PDE8A: variants seen among roughly 807,000 people sequenced by gnomAD.
PDE8A encodes the protein phosphodiesterase 8A.
PDE8A carries 59 observed loss-of-function variants against 105.0 expected under a neutral mutation model. The observed-to-expected ratio is 0.56, with a 90% CI of 0.46 to 0.70. The LOEUF (loss-of-function observed/expected upper bound fraction) is 0.70, where lower values mean the gene tolerates loss of function less well. PDE8A is among the 30% of genes least tolerant of loss of function. The probability of loss-of-function intolerance (pLI) is 0.00; values close to 1 mark genes in which losing one functional copy is unlikely to be tolerated. For synonymous variants in PDE8A, 355 were observed against 371.9 expected (o/e 0.95, Z 0.52); for missense variants, 1,014 against 1,045.9 (o/e 0.97, Z 0.42).
At chr15:85,032,326 G>T (rs1338490012) in intron 1 of PDE8A, among the ~76,000 whole-genome samples, 1 of 152,130 alleles carries the variant, frequency 6.6e-6, no homozygotes. Context: ...GTCCATCCAT[G>T]GTATAAGAGT....
chr15:85,022,294 T>C (rs1239610043), intron 1 of PDE8A, among the ~76,000 whole-genome samples: 1 of 152,196 alleles, frequency 6.6e-6, no homozygotes, highest in African/African-American at 2.4e-5. Context: ...CATTTTGTTA[T>C]ATCTGTTTGG....
chr15:85,064,866 G>A (rs958145018), intron 2 of PDE8A, among the ~76,000 whole-genome samples: 3 of 152,064 alleles, frequency 2.0e-5, no homozygotes, highest in African/African-American at 4.8e-5. Context: ...CAGCTACTTG[G>A]AAGGCTGAGA....
chr15:85,108,901 T>C, intron 11 of PDE8A, 152 bp from the exon 12 acceptor site: 1 of 502,530 alleles, frequency 2.0e-6, no homozygotes, highest in Non-Finnish European at 3.6e-6. Flanking sequence ...ATAAAACTGG[T>C]TTCTCATAGT....
intron 6 of PDE8A, among the ~76,000 whole-genome samples, chr15:85,083,901 G>A (rs1354904838): frequency 6.6e-6 from 1 of 152,092 alleles, no homozygotes; most frequent in Non-Finnish European, 1.5e-5. Flanking sequence ...AATACAAACT[G>A]CATATGCTGG....
chr15:85,121,034 A>T lies in PDE8A; in HGVS notation c.1952+20A>T. ...GGAGAGGTAAGAACAATGATTGGGA[A>T]GTGTGTTGATCCCTCTCTTTCTTTT... is the stretch of plus-strand genomic sequence containing the variant. On this transcript the variant is annotated intron_variant, in intron 18 of 21. Transcript: ENST00000394553. 6.9e-7 allele frequency: 1 copy of T among 1,458,216 alleles called. No individual in the cohort carries two copies. Among genetic ancestry groups the T allele is most frequent in the Non-Finnish European group, 9.6e-7 (1 of 1,046,804 alleles). The allele number at this position is 1,458,216 out of a possible 1,614,324, so 90.3% of individuals were successfully genotyped here. A position where few individuals can be genotyped will look rare whatever the true frequency, so the allele number is the denominator to read the frequency against.
chr15:85,103,835 C>T (rs1023981041), intron 11 of PDE8A, among the ~76,000 whole-genome samples: 2 of 152,128 alleles, frequency 1.3e-5, no homozygotes, highest in Admixed American at 1.3e-4. Flanking sequence ...CTTCTTCACA[C>T]CTCGCTTCCT....
intron 11 of PDE8A, among the ~76,000 whole-genome samples, chr15:85,103,981 C>T (rs1030340993): frequency 2.0e-5 from 3 of 152,180 alleles, no homozygotes; most frequent in African/African-American, 7.2e-5. Context: ...ACTTAGTACT[C>T]CCAGACATGG....
intron 1 of PDE8A, among the ~76,000 whole-genome samples, chr15:85,041,932 G>A (rs1373149689): frequency 2.0e-5 from 3 of 152,108 alleles, no homozygotes; most frequent in Non-Finnish European, 4.4e-5. Flanking sequence ...TCTCGTTCCA[G>A]TAGTTTCTCC....
rs1479088837 is a variant in PDE8A, at chr15:85,120,732, C to CTA, written c.1735-62_1735-61dup. On this transcript the variant is annotated intron_variant, in intron 17 of 21. Transcript: ENST00000394553. ...TGAAAGTAATAGGGGAGAAAGAAAACTATACAGAAGGCTTCCTTGCCTTCA... is the reference window on the plus strand; with the variant it reads ...TGAAAGTAATAGGGGAGAAAGAAAACTATATACAGAAGGCTTCCTTGCCTTCA... The CTA allele has an allele frequency of 2.1e-5, 20 of 972,474 alleles. No individual in the cohort carries two copies. In the East Asian group the frequency reaches 2.5e-4, roughly 12 times the overall value. The allele number at this position is 972,474 out of a possible 1,614,324, so 60.2% of individuals were successfully genotyped here.
chr15:85,084,334 C>T (rs1178141732), intron 6 of PDE8A, among the ~76,000 whole-genome samples: 3 of 152,020 alleles, frequency 2.0e-5, no homozygotes, highest in South Asian at 2.1e-4. Flanking sequence ...CAGGGTTCCA[C>T]GTGTAGGGAA....
intron 12 of PDE8A, among the ~76,000 whole-genome samples, chr15:85,111,269 T>C (rs2141595098): frequency 6.6e-6 from 1 of 152,376 alleles, no homozygotes; most frequent in South Asian, 2.1e-4. Flanking sequence ...GCGCTTTTTA[T>C]GTCCTATTTA....
At chr15:85,012,379 T>G (rs1442762936) in intron 1 of PDE8A, among the ~76,000 whole-genome samples, 2 of 152,166 alleles carry the variant, frequency 1.3e-5, no homozygotes, top group East Asian at 3.8e-4. Flanking sequence ...TAAAAAATGA[T>G]GAGTTCATGT....
chr15:85,007,804 G>T (rs548101642), intron 1 of PDE8A, among the ~76,000 whole-genome samples: 2 of 152,212 alleles, frequency 1.3e-5, no homozygotes, highest in African/African-American at 4.8e-5. Context: ...TTATAAATGC[G>T]AATATGTATG....
chr15:85,065,233 ATT>A (rs1372413312), intron 2 of PDE8A, among the ~76,000 whole-genome samples: 1 of 151,098 alleles, frequency 6.6e-6, no homozygotes, highest in Non-Finnish European at 1.5e-5. Context: ...GATATCTGTA[ATT>A]TATCTAATTC....
At chr15:85,076,904 G>A (rs1033755303) in intron 5 of PDE8A, 117 bp downstream of exon 5, 2 of 711,474 alleles carry the variant, frequency 2.8e-6, no homozygotes, top group Admixed American at 1.9e-5. Context: ...TGTCTGGCCA[G>A]GCGTGGTGGC....
At chr15:84,993,757 G>A (rs1169211811) in intron 1 of PDE8A, among the ~76,000 whole-genome samples, 1 of 151,988 alleles carries the variant, frequency 6.6e-6, no homozygotes, top group Non-Finnish European at 1.5e-5. Context: ...TGGGCATGGT[G>A]GTGCACACCT....
intron 1 of PDE8A, among the ~76,000 whole-genome samples, chr15:84,989,623 T>G (rs1156450754): frequency 6.6e-6 from 1 of 152,192 alleles, no homozygotes; most frequent in Non-Finnish European, 1.5e-5. Context: ...CTCCTGATCC[T>G]GAGTTTTCTC....
chr15:85,052,960 C>G (rs1363209031), intron 1 of PDE8A, among the ~76,000 whole-genome samples: 5 of 152,158 alleles, frequency 3.3e-5, no homozygotes, highest in Admixed American at 2.0e-4. Flanking sequence ...GGTTTTAGGT[C>G]TAACATTTAA....
At position 85,025,825 on chromosome 15, in the gene PDE8A, C is replaced by T. The variant is rs574303545; in HGVS notation, c.187-38545C>T. ...AGGAAGCCAGGAACACCTTGAGACT[C>T]GGGCCAGAACAATGTGGCCCACCTT... On this transcript the variant is annotated intron_variant, in intron 1 of 21. Coordinates refer to ENST00000394553, the MANE Select transcript of PDE8A (RefSeq NM_002605.3). Among the ~76,000 whole-genome samples, 30 of 152,274 alleles carry T rather than the reference C, an allele frequency of 2.0e-4. No individual in the cohort carries two copies. The East Asian group carries it at 4.1e-3, about 21-fold the overall frequency.
Sources: allele counts gnomAD v4.1 joint callset (sites outside exome capture counted in the v4.1 genomes callset), GRCh38; gene constraint gnomAD v4.1.1; transcripts MANE v1.5; gene names NCBI Gene and HGNC (gene_info 2026-07-23, HGNC 2026-07-21).